The following UPF3A variants were observed in gnomAD, a reference collection of about 807,000 sequenced individuals.
UPF3A encodes regulator of nonsense transcripts 3A.
UPF3A carries 42 observed loss-of-function variants against 53.5 expected under a neutral mutation model. That is an observed-to-expected ratio of 0.78 (90% confidence interval 0.61 to 1.01). UPF3A has a LOEUF of 1.01. Among genes scored for constraint, UPF3A ranks in the 50% least tolerant of loss-of-function variants. The pLI, the probability that UPF3A is intolerant of heterozygous loss-of-function variation, is 0.00. For missense variants in UPF3A, 575 were observed against 598.0 expected (o/e 0.96, Z 0.40); for synonymous variants, 237 against 225.3 (o/e 1.05, Z -0.47).
intron 2 of UPF3A, chr13:114,282,614 C>T (rs1051921780): frequency 1.0e-6 from 1 of 985,442 alleles, no homozygotes. Flanking sequence ...CTCGGAGGAC[C>T]GGTTCTGGGC....
intron 5 of UPF3A, chr13:114,287,331 A>C (rs2084792575): frequency 6.6e-6 from 1 of 152,304 alleles, no homozygotes; most frequent in African/African-American, 2.4e-5. Context: ...CTGCCCACCC[A>C]TCAAGATGGA....
rs1053113889 is a variant in UPF3A, at chr13:114,282,706, A to G, written c.315-131A>G. ...GCTAAAGAATATCCAAGTTGTTACA[A>G]TTAACTGAGATGATTTGGCACAAAA... is the stretch of plus-strand genomic sequence containing the variant. On this transcript the variant is annotated intron_variant, in intron 2 of 9. Coordinates refer to ENST00000375299, the MANE Select transcript of UPF3A (RefSeq NM_023011.4). 49 of 1,489,402 alleles carry G rather than the reference A, an allele frequency of 3.3e-5. No individual in the cohort carries two copies. In the South Asian group the frequency reaches 4.2e-4, roughly 13 times the overall value. 92.3% of individuals were successfully genotyped at this position (1,489,402 alleles called of 1,614,324 possible).
At chr13:114,300,579 G>T (rs1291151435) in intron 8 of UPF3A, among the ~76,000 whole-genome samples, 1 of 150,454 alleles carries the variant, frequency 6.6e-6, no homozygotes, top group Non-Finnish European at 1.5e-5. Flanking sequence ...TTTTCCTCTT[G>T]CCCAGGTTGG....
intron 7 of UPF3A, 53 bp from the exon 8 acceptor site, chr13:114,298,787 T>G (rs1444954209): frequency 6.5e-6 from 9 of 1,384,860 alleles, no homozygotes; most frequent in African/African-American, 1.5e-5. Flanking sequence ...TTTAACAGCT[T>G]CTTTTAAAAT....
In UPF3A at chr13:114,298,932, A is replaced by G. The variant is rs748816983; in HGVS notation, c.939A>G (p.Glu313=). The G allele has an allele frequency of 3.7e-6, 6 of 1,610,920 alleles. No homozygotes were observed. The highest frequency in any genetic ancestry group is 5.1e-6 in the Non-Finnish European group (6 of 1,178,672). ...EEIDTGGGKQ[E]SCAPGAVVKA... Reference sequence around the variant, plus strand: ...TTGATACTGGAGGTGGCAAGCAGGAATCCTGTGCCCCCGGTGCAGTCGTAA... The same window carrying G: ...TTGATACTGGAGGTGGCAAGCAGGAGTCCTGTGCCCCCGGTGCAGTCGTAA... The change falls in exon 8 of 10, where the codon GAA becomes GAG. Residue 313 remains glutamate, a synonymous_variant. Transcript: ENST00000375299.
At chr13:114,283,243 C>T (rs973674127) in intron 3 of UPF3A, 8 of 211,094 alleles carry the variant, frequency 3.8e-5, no homozygotes, top group African/African-American at 1.9e-4. Context: ...TGGTCTTGAA[C>T]TCCTGGCTTC....
intron 5 of UPF3A, 65 bp downstream of exon 5, chr13:114,286,694 T>C: frequency 7.7e-7 from 1 of 1,302,680 alleles, no homozygotes; most frequent in South Asian, 1.4e-5. Context: ...ATATACGTTT[T>C]TTCTCTTTTT....
At chr13:114,294,908 C>A (rs376289478) in intron 7 of UPF3A, among the ~76,000 whole-genome samples, 3 of 150,900 alleles carry the variant, frequency 2.0e-5, no homozygotes, top group South Asian at 4.2e-4. Context: ...GTCAGGAGAT[C>A]GAGACCATCC....
In UPF3A at chr13:114,281,657, G is replaced by A. The variant is rs1195418004; in HGVS notation, c.18G>A (p.Glu6=). ...AGTGCGGCATGCGCTCGGAAAAGGA[G>A]GGGGCCGGAGGCCTTCGGGCGGCCG... MRSEK[E]GAGGLRAAVA... is the part of the protein sequence containing the mutation. Residue 6 remains glutamate, a synonymous_variant, in exon 1 of 10, where the codon GAG becomes GAA. Coordinates refer to ENST00000375299, the MANE Select transcript of UPF3A (RefSeq NM_023011.4). 7 of 1,506,986 alleles carry A rather than the reference G, an allele frequency of 4.6e-6. No individual in the cohort carries two copies. The highest frequency in any genetic ancestry group is 2.1e-5 in the Admixed American group (1 of 48,064). 93.4% of individuals were successfully genotyped at this position (1,506,986 alleles called of 1,614,324 possible).
In UPF3A at chr13:114,291,910, T is replaced by G. The variant is rs567252272; in HGVS notation, c.846+118T>G. ...CATTCTGAATTAATCTAATATTGTG[T>G]TGTTATTTTTTTCCATCTTTTCCAT... is the stretch of plus-strand genomic sequence containing the variant. On this transcript the variant is annotated intron_variant, in intron 7 of 9. Coordinates refer to ENST00000375299, the MANE Select transcript of UPF3A (RefSeq NM_023011.4). 9.1e-5 allele frequency: 117 copies of G among 1,287,836 alleles called. No homozygotes were observed. In the African/African-American group the frequency reaches 1.5e-3, roughly 16 times the overall value. The allele number at this position is 1,287,836 out of a possible 1,614,324, so 79.8% of individuals were successfully genotyped here.
chr13:114,296,581 G>A (rs930034453), intron 7 of UPF3A, among the ~76,000 whole-genome samples: 3 of 152,092 alleles, frequency 2.0e-5, no homozygotes, highest in Admixed American at 1.3e-4. Context: ...TGAGTTCTGT[G>A]AGCCATTTCA....
chr13:114,301,943 C>T lies in UPF3A; in HGVS notation c.1220C>T (p.Pro407Leu), dbSNP rs544447756. The T allele has an allele frequency of 3.7e-5, 60 of 1,610,670 alleles. No homozygotes were observed. The East Asian group carries it at 4.9e-4, about 13-fold the overall frequency. ...AAGGGGAGCCAGGACAGCGGGGCTC[C>T]GGGGGAGGCCATGGAGAGACTGGGA... ...GKKGSQDSGA[P>L]GEAMERLGRA... The change falls in exon 9 of 10, where the codon CCG (proline) becomes CTG (leucine). Residue 407 changes from proline to leucine, a missense_variant. Pro to Leu is a moderately conservative substitution (Grantham distance 98, BLOSUM62 -3). Transcript: ENST00000375299.
intron 7 of UPF3A, among the ~76,000 whole-genome samples, chr13:114,296,475 A>G (rs752716171): frequency 6.6e-6 from 1 of 152,080 alleles, no homozygotes; most frequent in African/African-American, 2.4e-5. Flanking sequence ...GTACCACTAC[A>G]CCATACCCCA....
At chr13:114,298,397 G>A (rs1055613474) in intron 7 of UPF3A, among the ~76,000 whole-genome samples, 17 of 151,924 alleles carry the variant, frequency 1.1e-4, no homozygotes, top group Non-Finnish European at 1.6e-4. Context: ...AAAATTAGAC[G>A]GGTATGGTGG....
intron 3 of UPF3A, 24 bp downstream of exon 3, chr13:114,282,967 T>G: frequency 6.8e-7 from 1 of 1,471,632 alleles, no homozygotes; most frequent in Non-Finnish European, 9.4e-7. Flanking sequence ...TTTTTAAAAA[T>G]CTATTATAAT....
In UPF3A at chr13:114,305,718, A is replaced by G. The variant is rs1344921101; in HGVS notation, c.*801A>G. ...AGCTTTCTGAAACCGTGCATTCTGT[A>G]GTTTCTTCCTTTCAGTGAAATTGCT... On this transcript the variant is annotated 3_prime_UTR_variant, in exon 10 of 10. Coordinates refer to ENST00000375299, the MANE Select transcript of UPF3A (RefSeq NM_023011.4). 6.6e-6 allele frequency: 1 copy of G among 152,198 alleles called. No individual in the cohort carries two copies. The highest frequency in any genetic ancestry group is 1.5e-5 in the Non-Finnish European group (1 of 68,026). The allele number at this position is 152,198 out of a possible 1,614,324, so 9.4% of individuals were successfully genotyped here. A position where few individuals can be genotyped will look rare whatever the true frequency, so the allele number is the denominator to read the frequency against.
intron 7 of UPF3A, among the ~76,000 whole-genome samples, chr13:114,297,096 A>G (rs2139320817): frequency 6.6e-6 from 1 of 152,296 alleles, no homozygotes; most frequent in South Asian, 2.1e-4. Context: ...TGTGTTCCCA[A>G]GTGAACACGT....
chr13:114,298,402 T>C (rs1449034315), intron 7 of UPF3A, among the ~76,000 whole-genome samples: 1 of 148,446 alleles, frequency 6.7e-6, no homozygotes, highest in Non-Finnish European at 1.5e-5. Context: ...TAGACGGGTA[T>C]GGTGGCGCAT....
At position 114,304,935 on chromosome 13, in the gene UPF3A, G is replaced by T. The variant is rs2086907728; in HGVS notation, c.*18G>T. On this transcript the variant is annotated 3_prime_UTR_variant, in exon 10 of 10. Coordinates refer to ENST00000375299, the MANE Select transcript of UPF3A (RefSeq NM_023011.4). ...CAGAGTGAGTCACTGCACGCACCTG[G>T]CCTCCATGGACGAGCAAGGGCATCC... 1.2e-6 allele frequency: 2 copies of T among 1,609,190 alleles called. No individual in the cohort carries two copies.
Sources: gnomAD v4.1 joint callset for allele counts (sites outside exome capture counted in the v4.1 genomes callset) on GRCh38, gnomAD v4.1.1 for gene constraint, MANE v1.5 for transcripts, NCBI Gene and HGNC (gene_info 2026-07-23, HGNC 2026-07-21) for gene names.